The following ADSS2 variants were observed in gnomAD, a reference collection of about 807,000 sequenced individuals.
ADSS2 encodes the protein adenylosuccinate synthase 2, also known as adenylosuccinate synthetase isozyme 2.
In ADSS2, 30 loss-of-function variants were observed where a neutral mutation model predicts 60.0. The observed-to-expected ratio is 0.50, with a 90% CI of 0.37 to 0.68. The LOEUF is 0.68. ADSS2 is among the 30% of genes least tolerant of loss of function. ADSS2 has a pLI of 0.00. For synonymous variants in ADSS2, 187 were observed against 193.1 expected, an observed-to-expected ratio of 0.97 and a Z score of 0.26; for missense variants, 373 against 554.8, an observed-to-expected ratio of 0.67 and a Z score of 3.29.
intron 11 of ADSS2, 35 bp downstream of exon 11, chr1:244,415,946 A>G (rs922148883): frequency 1.3e-5 from 18 of 1,424,204 alleles, no homozygotes; most frequent in Non-Finnish European, 1.7e-5. Flanking sequence ...CATTCACCTT[A>G]TAATATCCTT....
At chr1:244,428,010 C>T (rs1402044893) in intron 4 of ADSS2, among the ~76,000 whole-genome samples, 4 of 152,146 alleles carry the variant, frequency 2.6e-5, no homozygotes, top group Non-Finnish European at 4.4e-5. Flanking sequence ...GAGAAACAGA[C>T]AAATCCACAA....
Position 244,436,920 on chromosome 1 carries a change from G to A in ADSS2, c.287-27C>T, listed in dbSNP as rs112002189. 4.9e-5 allele frequency: 78 copies of A among 1,580,456 alleles called. 1 individual carries two copies. The African/African-American group carries it at 5.7e-4, about 11-fold the overall frequency. On this transcript the variant is annotated intron_variant, in intron 2 of 12. Coordinates refer to ENST00000366535, the MANE Select transcript of ADSS2 (RefSeq NM_001126.5). ...TAAAGGAAAACCAACAAATCCCAAC[G>A]GTAAACATCTATAACTCAGACATAT...
chr1:244,441,470 G>T (rs1023501969), intron 1 of ADSS2, among the ~76,000 whole-genome samples: 3 of 151,972 alleles, frequency 2.0e-5, no homozygotes, highest in Non-Finnish European at 4.4e-5. Context: ...AAAGTATTTG[G>T]TAATTTTGAG....
chr1:244,416,078 C>T lies in ADSS2; in HGVS notation c.1071G>A (p.Ala357=), dbSNP rs775394358. The T allele has an allele frequency of 6.2e-7, 1 of 1,610,084 alleles. No individual in the cohort carries two copies. Among genetic ancestry groups the T allele is most frequent in the Non-Finnish European group, 8.5e-7 (1 of 1,177,508 alleles). ...AAATATCCAACTTGGTAAGTGCCAA[C>T]CTAATTTTGGAAGAAAAGGCAATGT... ...KYAHMINGFT[A]LALTKLDILD... is the part of the protein sequence containing the mutation. The change falls in exon 11 of 13, where the codon GCG becomes GCA. Residue 357 remains alanine (A), a splice_region_variant and synonymous_variant. Coordinates refer to ENST00000366535, the MANE Select transcript of ADSS2 (RefSeq NM_001126.5).
rs972841692 is a variant in ADSS2, at chr1:244,451,902, A to G, written c.-85T>C. On this transcript the variant is annotated 5_prime_UTR_variant, in exon 1 of 13. It removes an upstream start codon present in the reference 5' UTR. Transcript: ENST00000366535. This position sits in a 1 kb window ranked among gnomAD's most constrained non-coding sequence, Gnocchi z 6.6. Reference sequence around the variant, plus strand: ...GAACTGCTCTGCGGCCGCCAGCCACATGCAGAGGAAGAAGGAGCCAGAGGC... The same window carrying G: ...GAACTGCTCTGCGGCCGCCAGCCACGTGCAGAGGAAGAAGGAGCCAGAGGC... 3 of 1,343,616 alleles carry G rather than the reference A, an allele frequency of 2.2e-6. No individual in the cohort carries two copies. Among genetic ancestry groups the G allele is most frequent in the Non-Finnish European group, 2.9e-6 (3 of 1,023,976 alleles). 83.2% of individuals were successfully genotyped at this position (1,343,616 alleles called of 1,614,324 possible).
At chr1:244,437,632 G>A (rs896648285) in intron 2 of ADSS2, 34 bp downstream of exon 2, 1 of 1,393,184 alleles carries the variant, frequency 7.2e-7, no homozygotes, top group African/African-American at 1.4e-5. Context: ...ACTGGTGGGG[G>A]GGAATCTCCA....
intron 1 of ADSS2, among the ~76,000 whole-genome samples, chr1:244,439,999 C>T (rs900607670): frequency 2.6e-5 from 4 of 152,214 alleles, no homozygotes; most frequent in Admixed American, 2.0e-4. Context: ...CAGATTCTCT[C>T]TCAGCGCCCC....
chr1:244,415,895 T>A, intron 11 of ADSS2, 86 bp downstream of exon 11: 1 of 992,510 alleles, frequency 1.0e-6, no homozygotes, highest in Non-Finnish European at 1.5e-6. Context: ...TCGCTATCTA[T>A]CACAAATTAT....
At chr1:244,428,129 G>C (rs1332814538) in intron 4 of ADSS2, among the ~76,000 whole-genome samples, 1 of 152,068 alleles carries the variant, frequency 6.6e-6, no homozygotes, top group East Asian at 1.9e-4. Flanking sequence ...TGATTTAATT[G>C]GCATTTAAAG....
intron 1 of ADSS2, among the ~76,000 whole-genome samples, chr1:244,438,294 A>G (rs1665151817): frequency 6.6e-6 from 1 of 152,206 alleles, no homozygotes; most frequent in African/African-American, 2.4e-5. Context: ...AATACTGGTT[A>G]TCCTTGGCCT....
chr1:244,418,712 A>C, intron 9 of ADSS2, 48 bp downstream of exon 9: 1 of 1,500,838 alleles, frequency 6.7e-7, no homozygotes, highest in East Asian at 2.4e-5. Flanking sequence ...AAAAAAAAGA[A>C]GAATGAATTT....
In ADSS2 at chr1:244,444,402, C is replaced by A. The variant is rs571153539; in HGVS notation, c.184-6634G>T. ...TAGTGGCGGGCGCCTGTAGTCCCAG[C>A]TACTTGGGAGGCTGAGGCAGGAGAA... is the stretch of plus-strand genomic sequence containing the variant. On this transcript the variant is annotated intron_variant, in intron 1 of 12. Transcript: ENST00000366535. Among the ~76,000 whole-genome samples, 590 of 145,902 alleles carry A rather than the reference C, an allele frequency of 4.0e-3. 1 individual carries two copies. Among genetic ancestry groups the A allele is most frequent in the Middle Eastern group, 0.018 (5 of 284 alleles).
chr1:244,428,047 C>T (rs1572137108), intron 4 of ADSS2, among the ~76,000 whole-genome samples: 2 of 152,188 alleles, frequency 1.3e-5, no homozygotes, highest in South Asian at 2.1e-4. Flanking sequence ...AGCACTCCTC[C>T]GAGTAACTGA....
intron 9 of ADSS2, 60 bp from the exon 10 acceptor site, chr1:244,417,812 T>C: frequency 2.0e-6 from 3 of 1,512,738 alleles, no homozygotes; most frequent in Non-Finnish European, 2.7e-6. Flanking sequence ...TCTGGTGGAA[T>C]AATATATGCT....
chr1:244,443,706 TG>T (rs2148013641), intron 1 of ADSS2, among the ~76,000 whole-genome samples: 1 of 152,350 alleles, frequency 6.6e-6, no homozygotes, highest in African/African-American at 2.4e-5. Context: ...CATTTGACAT[TG>T]TTTTTTTCAG....
In ADSS2 at chr1:244,451,342, C is replaced by G. The variant is rs541520712; in HGVS notation, c.183+293G>C. 3.9e-5 allele frequency among the ~76,000 whole-genome samples: 6 copies of G among 152,290 alleles called. No individual in the cohort carries two copies. Among genetic ancestry groups the G allele is most frequent in the Admixed American group, 2.6e-4 (4 of 15,306 alleles). On this transcript the variant is annotated intron_variant, in intron 1 of 12. Coordinates refer to ENST00000366535, the MANE Select transcript of ADSS2 (RefSeq NM_001126.5). The surrounding 1 kb of genome is among the most constrained non-coding windows in gnomAD (Gnocchi z 6.6). The stretch of plus-strand genomic sequence containing the variant: ...CTCAGTCCCGGCGCTGAGCACCACT[C>G]GCCAGACGCAAAACTGCAACTGCCA...
chr1:244,434,893 G>T (rs986728078), intron 3 of ADSS2, among the ~76,000 whole-genome samples: 1 of 152,052 alleles, frequency 6.6e-6, no homozygotes, highest in Admixed American at 6.6e-5. Context: ...ACAGGGCGGG[G>T]CGCGGTGGCT....
In ADSS2 at chr1:244,419,115, G is replaced by A. The variant is rs552516476; in HGVS notation, c.791-201C>T. On this transcript the variant is annotated intron_variant, in intron 8 of 12. Coordinates refer to ENST00000366535, the MANE Select transcript of ADSS2 (RefSeq NM_001126.5). ...ATAAAAACGAGGTCAGAGCTTTAAC[G>A]CAAGTGCTTATACAGAGAGGCTCCT... 33 of 517,282 alleles carry A rather than the reference G, an allele frequency of 6.4e-5. No individual in the cohort carries two copies. The East Asian group carries it at 7.7e-4, about 12-fold the overall frequency. The allele number at this position is 517,282 out of a possible 1,614,324, so 32.0% of individuals were successfully genotyped here.
chr1:244,451,701 G>T lies in ADSS2; in HGVS notation c.117C>A (p.Gly39=). ...CCACCACCTTCCCTTTGCCTTCGTC[G>T]CCCCACTGCGCACCGAGCACCACCG... is the stretch of plus-strand genomic sequence containing the variant. ...RVTVVLGAQW[G]DEGKGKVVDL... The change falls in exon 1 of 13, where the codon GGC becomes GGA. Residue 39 remains glycine (G), a synonymous_variant. Transcript: ENST00000366535. The surrounding 1 kb of genome is among the most constrained non-coding windows in gnomAD (Gnocchi z 6.6). 1.9e-6 allele frequency: 3 copies of T among 1,612,334 alleles called. No individual in the cohort carries two copies. The South Asian group carries it at 3.3e-5, about 18-fold the overall frequency.
Sources: gnomAD v4.1 joint callset for allele counts (sites outside exome capture counted in the v4.1 genomes callset) on GRCh38, gnomAD v4.1.1 for gene constraint, Gnocchi (gnomAD v3.1) non-coding constraint, MANE v1.5 for transcripts, NCBI Gene and HGNC (gene_info 2026-07-23, HGNC 2026-07-21) for gene names.